The following C3orf22 variants were observed in gnomAD, a reference collection of about 807,000 sequenced individuals.
C3orf22 encodes uncharacterized protein C3orf22.
Under a neutral mutation model 10.8 loss-of-function variants are expected in C3orf22, and 7 were observed. The observed-to-expected ratio is 0.65, with a 90% CI of 0.37 to 1.22. C3orf22 has a LOEUF of 1.22. C3orf22 is among the 50% of genes most tolerant of loss of function. The probability of loss-of-function intolerance (pLI) is 0.02; values close to 1 mark genes in which losing one functional copy is unlikely to be tolerated. For synonymous variants in C3orf22, 79 were observed against 78.9 expected, an observed-to-expected ratio of 1.00 and a Z score of 0.00; for missense variants, 173 against 177.0, an observed-to-expected ratio of 0.98 and a Z score of 0.13.
intron 5 of C3orf22, among the ~76,000 whole-genome samples, chr3:126,528,925 T>C (rs1936590383): frequency 2.6e-5 from 4 of 152,202 alleles, no homozygotes; most frequent in Admixed American, 2.6e-4. Context: ...GGGGAAGGAA[T>C]GGGGCAGGAC....
At position 126,536,277 on chromosome 3, in the gene C3orf22, GA is replaced by G. The variant is rs765199708; in HGVS notation, c.287-6906del. On this transcript the variant is annotated intron_variant and NMD_transcript_variant, in intron 4 of 5. Coordinates refer to the C3orf22 transcript ENST00000505070. ...TCTCTCCTTATGCCCACAGCATTTG[GA>G]AACAGAGCCCTGGGCTCCAGCTGGC... 18 of 1,613,570 alleles carry G rather than the reference GA, an allele frequency of 1.1e-5. No homozygotes were observed. In the African/African-American group the frequency reaches 1.9e-4, roughly 17 times the overall value.
At chr3:126,537,554 GGA>G (rs1304899677) in intron 4 of C3orf22, among the ~76,000 whole-genome samples, 1 of 152,186 alleles carries the variant, frequency 6.6e-6, no homozygotes, top group Non-Finnish European at 1.5e-5. Flanking sequence ...AAGCAGGTAG[GGA>G]GGCCTTCCTT....
chr3:126,528,765 C>A (rs548422351), intron 5 of C3orf22, among the ~76,000 whole-genome samples: 1 of 152,274 alleles, frequency 6.6e-6, no homozygotes, highest in African/African-American at 2.4e-5. Flanking sequence ...GAACTAAATA[C>A]ACGTGGAGAG....
At position 126,536,359 on chromosome 3, in the gene C3orf22, T is replaced by G. The variant is rs777280426; in HGVS notation, c.287-6987A>C. 7 of 1,611,392 alleles carry G rather than the reference T, an allele frequency of 4.3e-6. No homozygotes were observed. In the Admixed American group the frequency reaches 1.0e-4, roughly 23 times the overall value. On this transcript the variant is annotated intron_variant and NMD_transcript_variant, in intron 4 of 5. Coordinates refer to the C3orf22 transcript ENST00000505070. ...AGCTCTATGACCTGGATCAGGTAGG[T>G]GGACAGACCCTCGACCCAGGCATGC...
At chr3:126,556,780 C>T (rs536568349) in intron 1 of C3orf22, among the ~76,000 whole-genome samples, 1 of 97,930 alleles carries the variant, frequency 1.0e-5, no homozygotes, top group African/African-American at 3.0e-5. Flanking sequence ...GACTCACACA[C>T]TCAGACTCAC....
intron 4 of C3orf22, chr3:126,536,342 G>C: frequency 6.2e-7 from 1 of 1,613,774 alleles, no homozygotes; most frequent in Non-Finnish European, 8.5e-7. Context: ...GAAGCTCTAT[G>C]ACCTGGATCA....
chr3:126,558,166 A>G (rs559573596), intron 1 of C3orf22, among the ~76,000 whole-genome samples: 2 of 152,144 alleles, frequency 1.3e-5, no homozygotes, highest in African/African-American at 4.8e-5. Flanking sequence ...ACCTCACTTC[A>G]TTTTTTTTCT....
intron 4 of C3orf22, chr3:126,541,870 C>A: frequency 6.3e-7 from 1 of 1,596,806 alleles, no homozygotes; most frequent in Non-Finnish European, 8.5e-7. Context: ...ACGCGCATGG[C>A]CTGCTCTACT....
chr3:126,528,355 T>G (rs3856650), intron 5 of C3orf22, among the ~76,000 whole-genome samples: 1 of 151,830 alleles, frequency 6.6e-6, no homozygotes, highest in Non-Finnish European at 1.5e-5. Flanking sequence ...TCCATGTAGA[T>G]CTGACCTTCC....
At chr3:126,551,554 G>T (rs1195133648) in intron 3 of C3orf22, among the ~76,000 whole-genome samples, 4 of 152,348 alleles carry the variant, frequency 2.6e-5, no homozygotes, top group African/African-American at 7.2e-5. Flanking sequence ...ATGAGAGTTT[G>T]TGCTGTGGTC....
At chr3:126,536,896 A>ACAC (rs1936805469) in intron 4 of C3orf22, among the ~76,000 whole-genome samples, 11 of 140,490 alleles carry the variant, frequency 7.8e-5, no homozygotes, top group South Asian at 2.5e-4. Context: ...CACACACACA[A>ACAC]ACACACACAC....
At chr3:126,532,914 G>A (rs573734954) in intron 4 of C3orf22, among the ~76,000 whole-genome samples, 51 of 152,216 alleles carry the variant, frequency 3.4e-4, no homozygotes, top group South Asian at 1.2e-3. Context: ...ATGTCTTTCC[G>A]TTCATTTGGG....
downstream of C3orf22, among the ~76,000 whole-genome samples, chr3:126,547,087 C>T (rs192988831): frequency 3.7e-3 from 561 of 152,282 alleles, 2 homozygotes; most frequent in Non-Finnish European, 4.6e-3. Flanking sequence ...AGAGGGTCCA[C>T]ACTCCCCAAT....
intron 1 of C3orf22, among the ~76,000 whole-genome samples, chr3:126,554,259 GTTGTTTTTT>G (rs1179613554): frequency 1.0e-4 from 13 of 129,258 alleles, no homozygotes; most frequent in Non-Finnish European, 1.6e-4. Flanking sequence ...TTGTTTTTCT[GTTGTTTTTT>G]TTTTTTTTTT....
chr3:126,556,362 GCA>G (rs1194874991), intron 1 of C3orf22, among the ~76,000 whole-genome samples: 2 of 152,110 alleles, frequency 1.3e-5, no homozygotes, highest in Admixed American at 1.3e-4. Flanking sequence ...GTCACCCACA[GCA>G]GCCTGTGGGG....
chr3:126,542,838 C>T (rs1937001383), intron 4 of C3orf22: 1 of 400,336 alleles, frequency 2.5e-6, no homozygotes, highest in Non-Finnish European at 4.3e-6. Context: ...GGCACCTCTC[C>T]AGGCCCCGTA....
chr3:126,550,552 T>C (rs992521379), intron 3 of C3orf22, among the ~76,000 whole-genome samples: 2 of 152,172 alleles, frequency 1.3e-5, no homozygotes, highest in Admixed American at 6.5e-5. Context: ...CCCACAGGCT[T>C]GACTGTCTCC....
chr3:126,553,569 T>A lies in C3orf22; in HGVS notation c.-40-139A>T, dbSNP rs1937256060. The A allele has an allele frequency of 9.7e-6, 6 of 618,912 alleles. 1 individual carries two copies. The South Asian group carries it at 1.1e-4, about 12-fold the overall frequency. The allele number at this position is 618,912 out of a possible 1,614,324, so 38.3% of individuals were successfully genotyped here. On this transcript the variant is annotated intron_variant, in intron 1 of 3. Coordinates refer to ENST00000318225, the MANE Select transcript of C3orf22 (RefSeq NM_152533.3). ...ACTGCCCTGTGCATGCACCGCTGTGTTCAATTTTCTCCTGCGTGTAGCTTC... is the reference window on the plus strand; with the variant it reads ...ACTGCCCTGTGCATGCACCGCTGTGATCAATTTTCTCCTGCGTGTAGCTTC...
At chr3:126,539,957 T>TGCCACACACAC (rs1936918757) in intron 4 of C3orf22, among the ~76,000 whole-genome samples, 1 of 13,634 alleles carries the variant, frequency 7.3e-5, no homozygotes, top group African/African-American at 2.7e-4. Context: ...CTGCCACACA[T>TGCCACACACAC]GCCACACACA....
Sources: allele counts gnomAD v4.1 joint callset (sites outside exome capture counted in the v4.1 genomes callset), GRCh38; gene constraint gnomAD v4.1.1; transcripts MANE v1.5; gene names NCBI Gene and HGNC (gene_info 2026-07-23, HGNC 2026-07-21).